Variants in SLC2A12 observed in about 807,000 individuals in gnomAD.
SLC2A12 encodes the protein solute carrier family 2, facilitated glucose transporter member 12.
A neutral mutation model predicts 41.8 loss-of-function variants in SLC2A12; 23 were observed. The ratio of observed to expected loss-of-function variants is 0.55; its 90% CI spans 0.40 to 0.78. The LOEUF (loss-of-function observed/expected upper bound fraction) is 0.78. Ranked by LOEUF, SLC2A12 falls within the 30% of genes least tolerant of loss-of-function variation. SLC2A12 has a pLI of 0.00. For missense variants in SLC2A12, 654 were observed against 745.6 expected, an observed-to-expected ratio of 0.88 and a Z score of 1.43; for synonymous variants, 295 against 285.9, an observed-to-expected ratio of 1.03 and a Z score of -0.32.
At chr6:134,040,459 A>T (rs754737408) in intron 1 of SLC2A12, among the ~76,000 whole-genome samples, 5 of 152,188 alleles carry the variant, frequency 3.3e-5, no homozygotes, top group Non-Finnish European at 7.3e-5. Context: ...AGAAGCTTAC[A>T]TCATAGTGGC....
chr6:134,034,039 C>T (rs1442478845), intron 1 of SLC2A12, among the ~76,000 whole-genome samples: 3 of 152,100 alleles, frequency 2.0e-5, no homozygotes, highest in Non-Finnish European at 4.4e-5. Flanking sequence ...AGTTTGTCAA[C>T]GTTCCCCTTG....
At chr6:134,011,716 A>T (rs1034119476) in intron 2 of SLC2A12, among the ~76,000 whole-genome samples, 9 of 152,090 alleles carry the variant, frequency 5.9e-5, no homozygotes, top group Non-Finnish European at 7.4e-5. Context: ...CAAGTGTCAG[A>T]GTGAGACCCT....
At chr6:134,011,817 AG>A (rs1170525541) in intron 2 of SLC2A12, among the ~76,000 whole-genome samples, 1 of 151,822 alleles carries the variant, frequency 6.6e-6, no homozygotes, top group African/African-American at 2.4e-5. Flanking sequence ...CGAGGTGGGC[AG>A]ATCACCTAAG....
chr6:134,006,193 CAAA>C (rs571711008), intron 3 of SLC2A12, among the ~76,000 whole-genome samples: 37 of 121,610 alleles, frequency 3.0e-4, no homozygotes, highest in African/African-American at 1.1e-3. Context: ...AAAAAAAAAA[CAAA>C]AAAAAAAACA....
At chr6:134,052,243 G>A (rs935846874) in intron 1 of SLC2A12, 135 bp downstream of exon 1, 3 of 410,546 alleles carry the variant, frequency 7.3e-6, no homozygotes, top group African/African-American at 3.3e-5. Flanking sequence ...ACATGCGCGC[G>A]CGCGCATACA....
Position 134,029,212 on chromosome 6 carries a change from G to A in SLC2A12, c.613C>T (p.Pro205Ser). Reference protein sequence around the residue: ...GWKYMFGLVIPLGVLQAIAMY... With the variant: ...GWKYMFGLVISLGVLQAIAMY... ...GCAATTGCTTGCAAAACTCCCAAGG[G>A]AATCACAAGACCAAACATGTACTTC... Residue 205 changes from proline to serine, a missense_variant, in exon 2 of 5, where the codon CCC becomes TCC. Pro to Ser is a moderately conservative substitution (Grantham distance 74). Coordinates refer to ENST00000275230, the MANE Select transcript of SLC2A12 (RefSeq NM_145176.3). 1.9e-6 allele frequency: 3 copies of A among 1,614,132 alleles called. No individual in the cohort carries two copies. The highest frequency in any genetic ancestry group is 1.3e-5 in the African/African-American group (1 of 75,044).
intron 1 of SLC2A12, among the ~76,000 whole-genome samples, chr6:134,032,405 AATATATATATATATATATATTT>A (rs1447794863): frequency 4.2e-5 from 5 of 118,080 alleles, no homozygotes; most frequent in Admixed American, 2.6e-4. Flanking sequence ...TACAGGGAGA[AATATATATATATATATATATTT>A]ATATATATAT....
At chr6:134,006,380 T>G (rs927598763) in intron 3 of SLC2A12, among the ~76,000 whole-genome samples, 13 of 152,042 alleles carry the variant, frequency 8.6e-5, no homozygotes, top group South Asian at 4.2e-4. Flanking sequence ...TTATGACATA[T>G]TTCAGTGACT....
intron 1 of SLC2A12, among the ~76,000 whole-genome samples, chr6:134,047,605 C>A (rs1301933080): frequency 2.0e-5 from 3 of 152,168 alleles, no homozygotes; most frequent in East Asian, 3.9e-4. Flanking sequence ...CCACTAAAGA[C>A]CACCCTCTTG....
At chr6:134,039,583 C>T (rs1257722689) in intron 1 of SLC2A12, among the ~76,000 whole-genome samples, 1 of 151,874 alleles carries the variant, frequency 6.6e-6, no homozygotes, top group Non-Finnish European at 1.5e-5. Flanking sequence ...ATAACCTAGC[C>T]CCTAAATCAG....
Position 134,032,792 on chromosome 6 carries a change from TTA to T in SLC2A12, c.104-3073_104-3072del, listed in dbSNP as rs10632688. On this transcript the variant is annotated intron_variant, in intron 1 of 4. Transcript: ENST00000275230. ...TCTGTTTCACTGCTATATATATATA[TTA>T]TATATATATAATTTATATCTATATA... 2.9e-5 allele frequency among the ~76,000 whole-genome samples: 4 copies of T among 138,020 alleles called. No homozygotes were observed. The East Asian group carries it at 8.2e-4, about 28-fold the overall frequency. The allele number at this position is 138,020 out of a possible 152,430, so 90.5% of individuals were successfully genotyped here. A position where few individuals can be genotyped will look rare whatever the true frequency, so the allele number is the denominator to read the frequency against.
At chr6:134,037,565 G>C (rs1777320929) in intron 1 of SLC2A12, among the ~76,000 whole-genome samples, 1 of 152,044 alleles carries the variant, frequency 6.6e-6, no homozygotes, top group African/African-American at 2.4e-5. Context: ...ATGTTGGCCT[G>C]GATGGTCTCG....
intron 2 of SLC2A12, among the ~76,000 whole-genome samples, chr6:134,009,993 C>T (rs979889264): frequency 3.3e-5 from 5 of 152,190 alleles, no homozygotes; most frequent in Non-Finnish European, 7.3e-5. Flanking sequence ...CTTTCCATGG[C>T]TGACCTAGAA....
At chr6:134,042,254 T>C (rs1177321951) in intron 1 of SLC2A12, among the ~76,000 whole-genome samples, 2 of 152,192 alleles carry the variant, frequency 1.3e-5, no homozygotes, top group Non-Finnish European at 2.9e-5. Flanking sequence ...TTAAATTATT[T>C]AATTAGGGAA....
Position 134,028,436 on chromosome 6 carries a change from C to T in SLC2A12, c.1389G>A (p.Leu463=). Residue 463 remains leucine, a synonymous_variant, in exon 2 of 5, where the codon CTG becomes CTA. Transcript: ENST00000275230. ...PGDVPAFLKW[L]SLASLLVYVA... ...CATAAACAAGCAAGCTGGCTAAGGA[C>T]AGCCATTTCAAAAAAGCTGGGACGT... is the stretch of plus-strand genomic sequence containing the variant. The T allele has an allele frequency of 6.2e-7, 1 of 1,614,136 alleles. No homozygotes were observed. Among genetic ancestry groups the T allele is most frequent in the Non-Finnish European group, 8.5e-7 (1 of 1,180,006 alleles).
Position 133,987,648 on chromosome 6 carries a change from G to GTGTATATATATATATATATATATA in SLC2A12, c.*3506_*3507insTATATATATATATATATATATACA, listed in dbSNP as rs200249148. 7 of 88,396 alleles carry GTGTATATATATATATATATATATA rather than the reference G, an allele frequency of 7.9e-5. No individual in the cohort carries two copies. The highest frequency in any genetic ancestry group is 2.5e-4 in the African/African-American group (7 of 27,578). 5.5% of individuals were successfully genotyped at this position (88,396 alleles called of 1,614,324 possible). A position where few individuals can be genotyped will look rare whatever the true frequency, so the allele number is the denominator to read the frequency against. On this transcript the variant is annotated 3_prime_UTR_variant, in exon 5 of 5. Transcript: ENST00000275230. ...TTTGTGTGTGTGTGTGTGTGTGTGT[G>GTGTATATATATATATATATATATA]TATATATATATATATATATGCACCA... is the stretch of plus-strand genomic sequence containing the variant.
intron 2 of SLC2A12, among the ~76,000 whole-genome samples, chr6:134,025,477 A>G (rs1777101328): frequency 6.6e-6 from 1 of 152,244 alleles, no homozygotes; most frequent in Non-Finnish European, 1.5e-5. Context: ...TGGAATCTAA[A>G]GCTTAAACCA....
chr6:134,031,732 T>G (rs533261004), intron 1 of SLC2A12, among the ~76,000 whole-genome samples: 34 of 152,334 alleles, frequency 2.2e-4, no homozygotes, highest in African/African-American at 8.2e-4. Context: ...TTATTTTATC[T>G]GTAAGACATT....
intron 1 of SLC2A12, among the ~76,000 whole-genome samples, chr6:134,039,304 C>T (rs1367206555): frequency 6.6e-6 from 1 of 152,164 alleles, no homozygotes; most frequent in African/African-American, 2.4e-5. Flanking sequence ...TTCCACTCTA[C>T]ACGTCATTGA....
Sources: gnomAD v4.1 joint callset for allele counts (sites outside exome capture counted in the v4.1 genomes callset) on GRCh38, gnomAD v4.1.1 for gene constraint, MANE v1.5 for transcripts, NCBI Gene and HGNC (gene_info 2026-07-23, HGNC 2026-07-21) for gene names.